GABRG1: variants seen among roughly 807,000 people sequenced by gnomAD.
GABRG1 encodes gamma-aminobutyric acid receptor subunit gamma-1.
A neutral mutation model predicts 49.8 loss-of-function variants in GABRG1; 49 were observed. The observed-to-expected ratio is 0.98, with a 90% confidence interval of 0.78 to 1.25. The LOEUF (loss-of-function observed/expected upper bound fraction) is 1.25. GABRG1 is among the 50% of genes most tolerant of loss of function. The pLI is 0.00. For synonymous variants in GABRG1, 232 were observed against 185.1 expected (o/e 1.25, Z -2.06); for missense variants, 552 against 552.3 (o/e 1.00, Z 0.01).
In GABRG1 at chr4:46,041,019, A is replaced by T; in HGVS notation, c.1367T>A (p.Leu456Ter). 6.2e-7 allele frequency: 1 copy of T among 1,612,528 alleles called. No homozygotes were observed. The highest frequency in any genetic ancestry group is 1.1e-5 in the South Asian group (1 of 91,028). Residue 456 changes from leucine to a stop codon, truncating the protein, a stop_gained, in exon 9 of 9, where the codon TTG (leucine) becomes TAG (stop). Coordinates refer to ENST00000295452, the MANE Select transcript of GABRG1 (RefSeq NM_173536.4). LOFTEE classifies it high-confidence loss of function. ...FFPTAFALFN[L>*]VYWVGYLYL is the part of the protein sequence containing the mutation. ...GTAAAGATAGCCAACCCAATAAACC[A>T]AGTTGAACAGGGCAAAAGCGGTTGG...
At chr4:46,050,317 A>C (rs1718166661) in intron 8 of GABRG1, among the ~76,000 whole-genome samples, 1 of 151,932 alleles carries the variant, frequency 6.6e-6, no homozygotes, top group Admixed American at 6.6e-5. Context: ...AGCAAAATAC[A>C]CCAGGTTTTT....
rs1050737324 is a variant in GABRG1, at chr4:46,038,649, A to C, written c.*2339T>G. 1 of 151,636 alleles carries C rather than the reference A, an allele frequency of 6.6e-6. No homozygotes were observed. The highest frequency in any genetic ancestry group is 1.5e-5 in the Non-Finnish European group (1 of 67,662). The allele number at this position is 151,636 out of a possible 1,614,324, so 9.4% of individuals were successfully genotyped here. On this transcript the variant is annotated 3_prime_UTR_variant, in exon 9 of 9. Coordinates refer to ENST00000295452, the MANE Select transcript of GABRG1 (RefSeq NM_173536.4). ...CAGCTTTGAAAAAAAGCTGTATTTG[A>C]TTTCTTGAGAAAGAAGTCTAAATGT...
At chr4:46,121,593 A>T (rs1488971931) in intron 1 of GABRG1, among the ~76,000 whole-genome samples, 1 of 136,476 alleles carries the variant, frequency 7.3e-6, no homozygotes, top group Non-Finnish European at 1.5e-5. Context: ...TTTCTGTGTC[A>T]AACTTTTTCC....
intron 2 of GABRG1, among the ~76,000 whole-genome samples, chr4:46,094,626 G>A (rs1720108618): frequency 6.6e-6 from 1 of 151,886 alleles, no homozygotes; most frequent in African/African-American, 2.4e-5. Flanking sequence ...AGTGAGGTTA[G>A]GAAATAGTAT....
intron 2 of GABRG1, among the ~76,000 whole-genome samples, chr4:46,096,146 T>C (rs1159414733): frequency 6.6e-6 from 1 of 151,758 alleles, no homozygotes; most frequent in Non-Finnish European, 1.5e-5. Flanking sequence ...AAAGCAAAGA[T>C]TGGGAAAATG....
Position 46,058,376 on chromosome 4 carries a change from GA to G in GABRG1, c.764-8del, listed in dbSNP as rs768281552. ...GTCATGATAACATAATCCCCTGTAA[GA>G]AAAAAAAGTTTTATTTTGGCTATAT... On this transcript the variant is annotated splice_region_variant and splice_polypyrimidine_tract_variant and intron_variant, in intron 6 of 8. Coordinates refer to ENST00000295452, the MANE Select transcript of GABRG1 (RefSeq NM_173536.4). 1.1e-5 allele frequency: 18 copies of G among 1,596,524 alleles called. No homozygotes were observed. Among genetic ancestry groups the G allele is most frequent in the East Asian group, 2.2e-5 (1 of 44,668 alleles).
In GABRG1 at chr4:46,040,976, A is replaced by C; in HGVS notation, c.*12T>G. 1 of 1,598,296 alleles carries C rather than the reference A, an allele frequency of 6.3e-7. No homozygotes were observed. The highest frequency in any genetic ancestry group is 8.5e-7 in the Non-Finnish European group (1 of 1,172,356). ...GTCAGACTTCTTTTGATTTTTGCTT[A>C]TGAAGTAGATTTTATAAGTAAAGAT... On this transcript the variant is annotated 3_prime_UTR_variant, in exon 9 of 9. Transcript: ENST00000295452.
Position 46,065,407 on chromosome 4 carries a change from G to A in GABRG1, c.499C>T (p.Leu167=). ...CGTCCATCATTCCAAATTCGAAGCA[G>A]ACGATTAGGAGTTGTTATCCAGTGA... ...DAHWITTPNR[L]LRIWNDGRVL... is the part of the protein sequence containing the mutation. Residue 167 remains leucine (L), a synonymous_variant, in exon 4 of 9, where the codon CTG becomes TTG. Transcript: ENST00000295452. 6.2e-7 allele frequency: 1 copy of A among 1,613,444 alleles called. No individual in the cohort carries two copies. Among genetic ancestry groups the A allele is most frequent in the Non-Finnish European group, 8.5e-7 (1 of 1,179,636 alleles).
chr4:46,065,040 A>T (rs1280084458), intron 4 of GABRG1, among the ~76,000 whole-genome samples: 1 of 152,148 alleles, frequency 6.6e-6, no homozygotes, highest in East Asian at 1.9e-4. Flanking sequence ...ATAAAATTTT[A>T]TAGCAGGGTG....
chr4:46,092,675 A>T (rs1194222346), intron 2 of GABRG1, among the ~76,000 whole-genome samples: 3 of 152,142 alleles, frequency 2.0e-5, no homozygotes, highest in African/African-American at 4.8e-5. Context: ...CTTGATAATT[A>T]GGAAATAGGA....
chr4:46,095,860 G>A (rs1467843709), intron 2 of GABRG1, among the ~76,000 whole-genome samples: 1 of 151,712 alleles, frequency 6.6e-6, no homozygotes, highest in African/African-American at 2.4e-5. Context: ...TACAAGTGAA[G>A]GTTTGTTACG....
chr4:46,047,897 A>G (rs1443515509), intron 8 of GABRG1, among the ~76,000 whole-genome samples: 4 of 152,052 alleles, frequency 2.6e-5, no homozygotes, highest in Non-Finnish European at 5.9e-5. Flanking sequence ...AACACATTCT[A>G]TCTCTTTTTT....
chr4:46,047,708 T>TA (rs1186110947), intron 8 of GABRG1, among the ~76,000 whole-genome samples: 1 of 151,916 alleles, frequency 6.6e-6, no homozygotes, highest in Non-Finnish European at 1.5e-5. Context: ...ATATTTGTTA[T>TA]AAAAATAACC....
intron 3 of GABRG1, among the ~76,000 whole-genome samples, chr4:46,082,178 T>G (rs1180811754): frequency 6.6e-6 from 1 of 151,870 alleles, no homozygotes; most frequent in Non-Finnish European, 1.5e-5. Context: ...TTGCTCATAT[T>G]GGCATTGTTA....
chr4:46,062,682 A>AC (rs1718746068), intron 5 of GABRG1, among the ~76,000 whole-genome samples: 3 of 152,102 alleles, frequency 2.0e-5, no homozygotes, highest in Non-Finnish European at 1.5e-5. Context: ...TTCTTTTGAG[A>AC]AGTGGAAATG....
rs534153041 is a variant in GABRG1, at chr4:46,074,397, T to C, written c.322-8813A>G. Among the ~76,000 whole-genome samples, 3 of 152,244 alleles carry C rather than the reference T, an allele frequency of 2.0e-5. No homozygotes were observed. In the East Asian group the frequency reaches 5.8e-4, roughly 29 times the overall value. ...TTGTCCACAGTCCAGCTGCAGAAAA[T>C]GAAAAACTTTCCAACATTGTATCCT... On this transcript the variant is annotated intron_variant, in intron 3 of 8. Coordinates refer to ENST00000295452, the MANE Select transcript of GABRG1 (RefSeq NM_173536.4).
chr4:46,119,095 T>TTGTGTG (rs34956057), intron 1 of GABRG1, among the ~76,000 whole-genome samples: 17 of 148,588 alleles, frequency 1.1e-4, no homozygotes, highest in Middle Eastern at 3.5e-3. Context: ...TAAGTTACAG[T>TTGTGTG]TGTGTGTGTG....
intron 5 of GABRG1, among the ~76,000 whole-genome samples, chr4:46,063,748 A>G (rs1487216845): frequency 6.6e-6 from 1 of 152,154 alleles, no homozygotes; most frequent in African/African-American, 2.4e-5. Flanking sequence ...CAGGCAACCT[A>G]CAAAATGGGA....
chr4:46,100,737 T>A (rs1720353018), intron 1 of GABRG1, among the ~76,000 whole-genome samples: 1 of 149,190 alleles, frequency 6.7e-6, no homozygotes, highest in Non-Finnish European at 1.5e-5. Context: ...TTTCTGTTTT[T>A]TTTTTTATGG....
Sources: gnomAD v4.1 joint callset for allele counts (sites outside exome capture counted in the v4.1 genomes callset) on GRCh38, gnomAD v4.1.1 for gene constraint, MANE v1.5 for transcripts, NCBI Gene and HGNC (gene_info 2026-07-23, HGNC 2026-07-21) for gene names.